The following MCOLN1 variants were observed in gnomAD, a reference collection of about 807,000 sequenced individuals.
The protein encoded by MCOLN1 is mucolipin TRP cation channel 1, also known as mucolipin-1.
In MCOLN1, 50 loss-of-function variants were observed where a neutral mutation model predicts 70.3. The observed-to-expected ratio is 0.71, with a 90% CI of 0.57 to 0.90. MCOLN1 has a LOEUF of 0.90. MCOLN1 is among the 40% of genes least tolerant of loss of function. The pLI is 0.00. For missense variants in MCOLN1, 598 were observed against 803.5 expected, an observed-to-expected ratio of 0.74 and a Z score of 3.09; for synonymous variants, 366 against 341.0, an observed-to-expected ratio of 1.07 and a Z score of -0.81.
At chr19:7,529,502 C>CGGG in intron 10 of MCOLN1, 88 bp from the exon 11 acceptor site, 1 of 518,876 alleles carries the variant, frequency 1.9e-6, no homozygotes, top group Non-Finnish European at 3.7e-6. Flanking sequence ...CTCGGCAAGG[C>CGGG]CCCGCCCCTC....
rs766649490 is a variant in MCOLN1 at position 7,528,693 on chromosome 19, T to C, written c.974T>C (p.Leu325Pro). ...LCARSLLRGFLLQNEFVGFMW... is the reference protein window; with the variant it reads ...LCARSLLRGFPLQNEFVGFMW... Reference sequence around the variant, plus strand: ...GCCCGCTCACTCCTTCGAGGCTTCCTGCTGCAGAACGTGAGGCTTCTGCGT... The same window carrying C: ...GCCCGCTCACTCCTTCGAGGCTTCCCGCTGCAGAACGTGAGGCTTCTGCGT... The change falls in exon 8 of 14, where the codon CTG becomes CCG. Residue 325 changes from leucine to proline, a missense_variant. This residue lies in a region of MCOLN1 where 461 missense variants were observed against 588.4 expected (regional missense o/e 0.78). Transcript: ENST00000264079. This position sits in a 1 kb window ranked among gnomAD's most constrained non-coding sequence, Gnocchi z 4.2. 1 of 1,614,210 alleles carries C rather than the reference T, an allele frequency of 6.2e-7. No homozygotes were observed. Among genetic ancestry groups the C allele is most frequent in the Non-Finnish European group, 8.5e-7 (1 of 1,180,012 alleles).
At chr19:7,531,885 C>T (rs1177005678) in intron 12 of MCOLN1, among the ~76,000 whole-genome samples, 2 of 152,226 alleles carry the variant, frequency 1.3e-5, no homozygotes, top group African/African-American at 4.8e-5. Context: ...CCAGGCTGGT[C>T]TCAAACTCCT....
chr19:7,525,396 A>G lies in MCOLN1; in HGVS notation c.237+230A>G. 1 of 480,026 alleles carries G rather than the reference A, an allele frequency of 2.1e-6. No individual in the cohort carries two copies. The highest frequency in any genetic ancestry group is 4.3e-5 in the East Asian group (1 of 23,290). 29.7% of individuals were successfully genotyped at this position (480,026 alleles called of 1,614,324 possible). A position where few individuals can be genotyped will look rare whatever the true frequency, so the allele number is the denominator to read the frequency against. ...GTAATCCCAGCTACTTGGCAGGCTG[A>G]GGCAGGAGAATCGCTTGAATTGGGA... On this transcript the variant is annotated intron_variant, in intron 2 of 13. Coordinates refer to ENST00000264079, the MANE Select transcript of MCOLN1 (RefSeq NM_020533.3). This position sits in a 1 kb window ranked among gnomAD's most constrained non-coding sequence, Gnocchi z 4.2.
Position 7,526,797 on chromosome 19 carries a change from G to A in MCOLN1, c.442G>A (p.Ala148Thr). 4 of 1,614,212 alleles carry A rather than the reference G, an allele frequency of 2.5e-6. No homozygotes were observed. The highest frequency in any genetic ancestry group is 2.5e-6 in the Non-Finnish European group (3 of 1,180,048). The part of the protein sequence containing the change: ...ALPDVSLGRY[A>T]YVRGGGDPWT... ...GCCTGACGTGTCACTGGGCCGGTAT[G>A]CGTATGTCCGTGGTGGGGGTGACCC... is the stretch of plus-strand genomic sequence containing the variant. The change falls in exon 4 of 14, where the codon GCG becomes ACG. Residue 148 changes from alanine (A) to threonine (T), a missense_variant. Physicochemically the swap from Ala to Thr is moderately conservative, Grantham distance 58 (BLOSUM62 0). Around this residue, in one of 3 missense-constraint regions of MCOLN1, gnomAD observed 461 missense variants for 588.4 expected, o/e 0.78. Coordinates refer to ENST00000264079, the MANE Select transcript of MCOLN1 (RefSeq NM_020533.3). The surrounding 1 kb of genome is among the most constrained non-coding windows in gnomAD (Gnocchi z 4.6).
rs180687633 is a variant in MCOLN1 at position 7,526,540 on chromosome 19, G to T, written c.339G>T (p.Ala113=). The part of the protein sequence containing the change: ...HLFLLGYSDG[A]DDTFAAYTRE... ...TCCTGCTGGGCTACTCGGACGGAGC[G>T]GATGACACCTTCGCAGCCTACACGC... The change falls in exon 3 of 14, where the codon GCG becomes GCT. Residue 113 remains alanine (A), a synonymous_variant. Transcript: ENST00000264079. The surrounding 1 kb of genome is among the most constrained non-coding windows in gnomAD (Gnocchi z 4.6). The T allele has an allele frequency of 2.5e-6, 4 of 1,614,174 alleles. No homozygotes were observed. In the East Asian group the frequency reaches 8.9e-5, roughly 36 times the overall value.
At chr19:7,527,775 C>A in intron 5 of MCOLN1, 89 bp from the exon 6 acceptor site, 1 of 1,215,504 alleles carries the variant, frequency 8.2e-7, no homozygotes, top group Non-Finnish European at 1.2e-6. Context: ...CTGCCAGCTG[C>A]AGAGTCAGCA....
Position 7,533,806 on chromosome 19 carries a change from C to G in MCOLN1, c.*11C>G. On this transcript the variant is annotated 3_prime_UTR_variant, in exon 14 of 14. Transcript: ENST00000264079. Reference sequence around the variant, plus strand: ...CTGCTGGTGAATTGATTCGACCTGACTGCCGTTGGACCGTAGGCCCTGGAC... The same window carrying G: ...CTGCTGGTGAATTGATTCGACCTGAGTGCCGTTGGACCGTAGGCCCTGGAC... 1 of 1,614,172 alleles carries G rather than the reference C, an allele frequency of 6.2e-7. No homozygotes were observed. The highest frequency in any genetic ancestry group is 8.5e-7 in the Non-Finnish European group (1 of 1,180,018).
rs199941032 is a variant in MCOLN1 at position 7,526,648 on chromosome 19, G to C, written c.405+42G>C. The C allele has an allele frequency of 3.1e-6, 5 of 1,600,042 alleles. No individual in the cohort carries two copies. The East Asian group carries it at 9.0e-5, about 29-fold the overall frequency. On this transcript the variant is annotated intron_variant, in intron 3 of 13. Coordinates refer to ENST00000264079, the MANE Select transcript of MCOLN1 (RefSeq NM_020533.3). The surrounding 1 kb of genome is among the most constrained non-coding windows in gnomAD (Gnocchi z 4.6). ...AGGTGCTGGTGGGCAGGCAGGTGCAGGTGGGCGGGCAGGTGCAGTTGGGCG... is the reference window on the plus strand; with the variant it reads ...AGGTGCTGGTGGGCAGGCAGGTGCACGTGGGCGGGCAGGTGCAGTTGGGCG...
intron 12 of MCOLN1, 148 bp from the exon 13 acceptor site, chr19:7,533,375 T>C: frequency 9.6e-7 from 1 of 1,042,156 alleles, no homozygotes; most frequent in Non-Finnish European, 1.4e-6. Context: ...GCAAGCAAAC[T>C]GTGGAACAAC....
intron 10 of MCOLN1, 81 bp from the exon 11 acceptor site, chr19:7,529,509 C>CCCAG: frequency 1.2e-6 from 1 of 816,978 alleles, no homozygotes; most frequent in Non-Finnish European, 2.0e-6. Context: ...AGGCCCCGCC[C>CCCAG]CTCCCACCCC....
chr19:7,527,286 A>AG, intron 4 of MCOLN1: 1 of 547,822 alleles, frequency 1.8e-6, no homozygotes, highest in East Asian at 3.2e-5. Flanking sequence ...AAAAAAAAAA[A>AG]AAAAAAAAAC....
At chr19:7,529,510 C>CCCCCCCCCCCCA in intron 10 of MCOLN1, 80 bp from the exon 11 acceptor site, 1 of 912,888 alleles carries the variant, frequency 1.1e-6, no homozygotes, top group Non-Finnish European at 1.7e-6. Flanking sequence ...GGCCCCGCCC[C>CCCCCCCCCCCCA]TCCCACCCCC....
chr19:7,526,352 C>T lies in MCOLN1; in HGVS notation c.238-87C>T, dbSNP rs1351006303. On this transcript the variant is annotated intron_variant, in intron 2 of 13. Transcript: ENST00000264079. The surrounding 1 kb of genome is among the most constrained non-coding windows in gnomAD (Gnocchi z 4.6). ...CCCAGTGGACATCTGCAGGGCCCTC[C>T]CTGTCCTCTTCCAGGGCCTGTGCCC... is the stretch of plus-strand genomic sequence containing the variant. 6.5e-7 allele frequency: 1 copy of T among 1,528,992 alleles called. No individual in the cohort carries two copies. The highest frequency in any genetic ancestry group is 9.1e-7 in the Non-Finnish European group (1 of 1,103,188). 94.7% of individuals were successfully genotyped at this position (1,528,992 alleles called of 1,614,324 possible). A position where few individuals can be genotyped will look rare whatever the true frequency, so the allele number is the denominator to read the frequency against.
rs895301824 is a variant in MCOLN1, at chr19:7,528,943, C to T, written c.1107C>T (p.Thr369=). 6.2e-6 allele frequency: 10 copies of T among 1,614,030 alleles called. No homozygotes were observed. The highest frequency in any genetic ancestry group is 8.5e-6 in the Non-Finnish European group (10 of 1,180,032). The change falls in exon 9 of 14, where the codon ACC becomes ACT. Residue 369 remains threonine, a synonymous_variant. Transcript: ENST00000264079. This position sits in a 1 kb window ranked among gnomAD's most constrained non-coding sequence, Gnocchi z 4.2. ...VTSDVLTISG[T]IMKIGIEAKN... is the part of the protein sequence containing the mutation. Reference sequence around the variant, plus strand: ...GCGATGTGCTCACCATCTCGGGCACCATCATGAAGATCGGCATCGAGGCCA... The same window carrying T: ...GCGATGTGCTCACCATCTCGGGCACTATCATGAAGATCGGCATCGAGGCCA...
At position 7,526,142 on chromosome 19, in the gene MCOLN1, C is replaced by G; in HGVS notation, c.238-297C>G. 2.0e-6 allele frequency: 1 copy of G among 490,240 alleles called. No individual in the cohort carries two copies. The highest frequency in any genetic ancestry group is 3.8e-6 in the Non-Finnish European group (1 of 266,652). 30.4% of individuals were successfully genotyped at this position (490,240 alleles called of 1,614,324 possible). ...AACACAGAATCGGACATCCAGTAAA[C>G]ATTTAATGAACGTTAGTCCCTGCAG... On this transcript the variant is annotated intron_variant, in intron 2 of 13. Coordinates refer to ENST00000264079, the MANE Select transcript of MCOLN1 (RefSeq NM_020533.3). This position sits in a 1 kb window ranked among gnomAD's most constrained non-coding sequence, Gnocchi z 4.6.
Position 7,528,318 on chromosome 19 carries a change from C to T in MCOLN1, c.877+61C>T, listed in dbSNP as rs1411949933. On this transcript the variant is annotated intron_variant, in intron 7 of 13. Transcript: ENST00000264079. The surrounding 1 kb of genome is among the most constrained non-coding windows in gnomAD (Gnocchi z 4.2). ...GGCCCTGGCCTGTCCTGGGATTCCC[C>T]AAGCCCCAGATCAGCGCTGCCTGGG... The T allele has an allele frequency of 2.0e-6, 3 of 1,516,686 alleles. No homozygotes were observed. The Admixed American group carries it at 5.1e-5, about 26-fold the overall frequency. 94.0% of individuals were successfully genotyped at this position (1,516,686 alleles called of 1,614,324 possible). A position where few individuals can be genotyped will look rare whatever the true frequency, so the allele number is the denominator to read the frequency against.
At position 7,529,045 on chromosome 19, in the gene MCOLN1, C is replaced by T. The variant is rs1306946751; in HGVS notation, c.1135-56C>T. On this transcript the variant is annotated intron_variant, in intron 9 of 13. Coordinates refer to ENST00000264079, the MANE Select transcript of MCOLN1 (RefSeq NM_020533.3). ...GCCTATCCGGGGCCATATCCTCCCCCAGGCCCCCCAAAGGAAGGGCTGGGC... is the reference window on the plus strand; with the variant it reads ...GCCTATCCGGGGCCATATCCTCCCCTAGGCCCCCCAAAGGAAGGGCTGGGC... 7 of 1,613,198 alleles carry T rather than the reference C, an allele frequency of 4.3e-6. No individual in the cohort carries two copies. The South Asian group carries it at 7.7e-5, about 18-fold the overall frequency.
rs568004048 is a variant in MCOLN1 at position 7,525,632 on chromosome 19, T to C, written c.237+466T>C. 5.6e-4 allele frequency: 118 copies of C among 209,028 alleles called. 1 individual carries two copies. Among genetic ancestry groups the C allele is most frequent in the African/African-American group, 2.7e-3 (115 of 42,122 alleles). The allele number at this position is 209,028 out of a possible 1,614,324, so 12.9% of individuals were successfully genotyped here. ...GACCCAATGGCTGCACAGATAGTTC[T>C]CCCTCCCCCATGCCAGACCCTGTGC... is the stretch of plus-strand genomic sequence containing the variant. On this transcript the variant is annotated intron_variant, in intron 2 of 13. Transcript: ENST00000264079. This position sits in a 1 kb window ranked among gnomAD's most constrained non-coding sequence, Gnocchi z 4.2.
Position 7,529,620 on chromosome 19 carries a change from C to T in MCOLN1, c.1267C>T (p.Pro423Ser), listed in dbSNP as rs768232785. Residue 423 changes from proline to serine, a missense_variant, in exon 11 of 14, where the codon CCC becomes TCC. Physicochemically the swap from Pro to Ser is moderately conservative, Grantham distance 74 (BLOSUM62 -1). Transcript: ENST00000264079. ...CATCGCCACACTGCGGGTGGCCCTG[C>T]CCAGCGTCATGCGCTTCTGCTGCTG... ...ILIATLRVAL[P>S]SVMRFCCCVA... is the part of the protein sequence containing the mutation. The T allele has an allele frequency of 6.2e-7, 1 of 1,613,952 alleles. No individual in the cohort carries two copies. Among genetic ancestry groups the T allele is most frequent in the South Asian group, 1.1e-5 (1 of 91,084 alleles).
Sources: gnomAD v4.1 joint callset for allele counts (sites outside exome capture counted in the v4.1 genomes callset) on GRCh38, gnomAD v4.1.1 for gene constraint, gnomAD v4.1.1 regional missense constraint, Gnocchi (gnomAD v3.1) non-coding constraint, MANE v1.5 for transcripts, NCBI Gene and HGNC (gene_info 2026-07-23, HGNC 2026-07-21) for gene names.